The following CRYGA variants were observed in gnomAD, a reference collection of about 807,000 sequenced individuals.
CRYGA encodes the protein crystallin gamma A, also known as gamma-crystallin A.
Under a neutral mutation model 13.8 loss-of-function variants are expected in CRYGA, and 11 were observed. The ratio of observed to expected loss-of-function variants is 0.80; its 90% confidence interval spans 0.50 to 1.32. CRYGA has a LOEUF of 1.32. Among genes scored for constraint, CRYGA ranks in the 40% most tolerant of loss-of-function variants. The pLI is 0.00. For synonymous variants in CRYGA, 97 were observed against 89.3 expected (o/e 1.09, Z -0.48); for missense variants, 271 against 234.1 (o/e 1.16, Z -1.03).
intron 2 of CRYGA, among the ~76,000 whole-genome samples, chr2:208,162,203 C>T (rs1310214193): frequency 6.6e-6 from 1 of 152,152 alleles, no homozygotes; most frequent in Admixed American, 6.5e-5. Flanking sequence ...TCCCAAAGTG[C>T]TAGGATTACG....
intron 2 of CRYGA, among the ~76,000 whole-genome samples, chr2:208,162,175 G>C (rs1254305851): frequency 6.6e-6 from 1 of 152,100 alleles, no homozygotes; most frequent in Admixed American, 6.6e-5. Flanking sequence ...GACCTCAAGT[G>C]ATCTGCCCAG....
intron 2 of CRYGA, among the ~76,000 whole-genome samples, chr2:208,162,029 T>C (rs1178180819): frequency 6.6e-6 from 1 of 152,122 alleles, no homozygotes; most frequent in Non-Finnish European, 1.5e-5. Flanking sequence ...CTCCGACTCC[T>C]GGGTTCAAGC....
chr2:208,163,413 G>C lies in CRYGA; in HGVS notation c.43C>G (p.Arg15Gly), dbSNP rs766174390. 1.9e-6 allele frequency: 3 copies of C among 1,613,852 alleles called. No individual in the cohort carries two copies. Among genetic ancestry groups the C allele is most frequent in the Non-Finnish European group, 1.7e-6 (2 of 1,180,000 alleles). The stretch of plus-strand genomic sequence containing the variant: ...CAGTCACTGATGCAATTGTAGCAGC[G>C]ACCCTGAAAGTCTCGGTCCTCGTAG... ...TFYEDRDFQG[R>G]CYNCISDCPN... The change falls in exon 2 of 3, where the codon CGC becomes GGC. Residue 15 changes from arginine (R) to glycine (G), a missense_variant. Transcript: ENST00000304502.
In CRYGA at chr2:208,160,912, G is replaced by A. The variant is rs1279036735; in HGVS notation, c.417C>T (p.Tyr139=). The change falls in exon 3 of 3, where the codon TAC becomes TAT. Residue 139 remains tyrosine, a synonymous_variant. Transcript: ENST00000304502. ...GCCTCAGCAGATACTGCCGCCCCCG[G>A]TAGTTGGGCATTTCATAGAGGACCC... is the stretch of plus-strand genomic sequence containing the variant. ...GCWVLYEMPN[Y]RGRQYLLRPG... The A allele has an allele frequency of 1.2e-6, 2 of 1,612,986 alleles. No individual in the cohort carries two copies. The highest frequency in any genetic ancestry group is 1.7e-6 in the Non-Finnish European group (2 of 1,179,204).
At chr2:208,161,353 A>AT (rs1574347077) in intron 2 of CRYGA, among the ~76,000 whole-genome samples, 1 of 151,884 alleles carries the variant, frequency 6.6e-6, no homozygotes, top group Non-Finnish European at 1.5e-5. Context: ...ATTTTTAAAA[A>AT]TTTTTTTGTA....
intron 1 of CRYGA, 45 bp from the exon 2 acceptor site, chr2:208,163,491 C>T (rs763424012): frequency 3.5e-5 from 57 of 1,612,522 alleles, no homozygotes; most frequent in Non-Finnish European, 1.7e-6. Flanking sequence ...CTGGAAGGAA[C>T]ATCCCCACAC....
chr2:208,162,665 C>A (rs1046077013), intron 2 of CRYGA, among the ~76,000 whole-genome samples: 91 of 151,920 alleles, frequency 6.0e-4, no homozygotes, highest in African/African-American at 2.2e-3. Context: ...CATGGAGAAA[C>A]TCTGTCTCTA....
In CRYGA at chr2:208,160,981, G is replaced by A; in HGVS notation, c.348C>T (p.Phe116=). 6.2e-7 allele frequency: 1 copy of A among 1,613,860 alleles called. No homozygotes were observed. Among genetic ancestry groups the A allele is most frequent in the Non-Finnish European group, 8.5e-7 (1 of 1,179,830 alleles). Residue 116 remains phenylalanine, a synonymous_variant, in exon 3 of 3, where the codon TTC becomes TTT. Coordinates refer to ENST00000304502, the MANE Select transcript of CRYGA (RefSeq NM_014617.4). ...TDDCACVPEL[F]RLPEIYSLHV... ...GGAGGGAATAGATCTCAGGGAGACGGAACAGTTCTGGAACACAGGCGCAGT... is the reference window on the plus strand; with the variant it reads ...GGAGGGAATAGATCTCAGGGAGACGAAACAGTTCTGGAACACAGGCGCAGT...
intron 2 of CRYGA, among the ~76,000 whole-genome samples, chr2:208,161,604 T>C (rs926775342): frequency 7.9e-5 from 12 of 152,234 alleles, no homozygotes; most frequent in Admixed American, 3.9e-4. Context: ...ACTGGAGATG[T>C]TGTGGAAGAA....
intron 2 of CRYGA, among the ~76,000 whole-genome samples, chr2:208,161,284 C>G (rs1695753199): frequency 6.6e-6 from 1 of 151,962 alleles, no homozygotes; most frequent in African/African-American, 2.4e-5. Flanking sequence ...GTAATCCTCC[C>G]ACCTCAGCCC....
Position 208,163,449 on chromosome 2 carries a change from G to C in CRYGA, c.10-3C>G. Reference sequence around the variant, plus strand: ...TCTCGGTCCTCGTAGAAGGTGATCTGAGGTAGAAATAAGGTGACAGTAGAC... The same window carrying C: ...TCTCGGTCCTCGTAGAAGGTGATCTCAGGTAGAAATAAGGTGACAGTAGAC... On this transcript the variant is annotated splice_region_variant and splice_polypyrimidine_tract_variant and intron_variant, in intron 1 of 2. Transcript: ENST00000304502. The C allele has an allele frequency of 1.9e-6, 3 of 1,613,564 alleles. No individual in the cohort carries two copies. The highest frequency in any genetic ancestry group is 1.6e-4 in the Middle Eastern group (1 of 6,062).
chr2:208,160,861 G>C lies in CRYGA; in HGVS notation c.468C>G (p.Asp156Glu), dbSNP rs1217272927. Residue 156 changes from aspartate (D) to glutamate (E), a missense_variant, in exon 3 of 3, where the codon GAC becomes GAG. By Grantham distance (45) the Asp-to-Glu change is conservative. Transcript: ENST00000304502. ...CGACTTTGGCATCTGCACCCCCCCA[G>C]TCGTGGTACCTTCTGTAGTCCCCAG... Reference protein sequence around the residue: ...LRPGDYRRYHDWGGADAKVGS... With the variant: ...LRPGDYRRYHEWGGADAKVGS... The C allele has an allele frequency of 6.2e-7, 1 of 1,612,248 alleles. No individual in the cohort carries two copies. The highest frequency in any genetic ancestry group is 8.5e-7 in the Non-Finnish European group (1 of 1,178,354).
At chr2:208,163,123 A>C (rs1167745331) in intron 2 of CRYGA, 81 bp downstream of exon 2, 4 of 1,263,574 alleles carry the variant, frequency 3.2e-6, no homozygotes, top group Non-Finnish European at 4.5e-6. Context: ...CTGTGTTGGA[A>C]CAAACTGACT....
At chr2:208,163,182 G>A (rs1187905083) in intron 2 of CRYGA, 22 bp downstream of exon 2, 1 of 1,594,628 alleles carries the variant, frequency 6.3e-7, no homozygotes, top group African/African-American at 1.3e-5. Context: ...TTTCACATCA[G>A]TCAAGTTGAA....
Position 208,160,797 on chromosome 2 carries a change from G to T in CRYGA, c.*7C>A. ...TTCTATGGGGATCACAACAAGGCAGGCACAGCTTAGTACAAATCGGTGACC... is the reference window on the plus strand; with the variant it reads ...TTCTATGGGGATCACAACAAGGCAGTCACAGCTTAGTACAAATCGGTGACC... On this transcript the variant is annotated 3_prime_UTR_variant, in exon 3 of 3. Coordinates refer to ENST00000304502, the MANE Select transcript of CRYGA (RefSeq NM_014617.4). 1.3e-6 allele frequency: 2 copies of T among 1,571,570 alleles called. No individual in the cohort carries two copies. The highest frequency in any genetic ancestry group is 1.1e-5 in the South Asian group (1 of 89,416).
chr2:208,160,816 G>A lies in CRYGA; in HGVS notation c.513C>T (p.Thr171=), dbSNP rs149711129. ...AGGCAGGCACAGCTTAGTACAAATC[G>A]GTGACCCGTCTCAAAGAGCCGACTT... ...DAKVGSLRRV[T]DLY is the part of the protein sequence containing the mutation. The change falls in exon 3 of 3, where the codon ACC becomes ACT. Residue 171 remains threonine (T), a synonymous_variant. Coordinates refer to ENST00000304502, the MANE Select transcript of CRYGA (RefSeq NM_014617.4). 1.3e-4 allele frequency: 213 copies of A among 1,604,356 alleles called. 3 individuals carry two copies. In the South Asian group the frequency reaches 2.1e-3, roughly 16 times the overall value.
rs770475698 is a variant in CRYGA, at chr2:208,163,186, A to G, written c.252+18T>C. The G allele has an allele frequency of 3.7e-6, 6 of 1,600,042 alleles. No homozygotes were observed. Among genetic ancestry groups the G allele is most frequent in the Non-Finnish European group, 5.1e-6 (6 of 1,169,020 alleles). On this transcript the variant is annotated intron_variant, in intron 2 of 2. Transcript: ENST00000304502. ...ATCATTGATGCTTTCACATCAGTCA[A>G]GTTGAAGCAAGACTCACATGAGGAA...
Position 208,163,226 on chromosome 2 carries a change from T to C in CRYGA, c.230A>G (p.Gln77Arg), listed in dbSNP as rs757901754. 3.4e-5 allele frequency: 55 copies of C among 1,613,594 alleles called. No individual in the cohort carries two copies. In the South Asian group the frequency reaches 5.8e-4, roughly 17 times the overall value. ...CACATGAGGAATTATACGGCAGGAT[T>C]GGACCGAGTCGCTGAGGCCCATCCA... ...QHWMGLSDSV[Q>R]SCRIIPHTSS... is the part of the protein sequence containing the mutation. The change falls in exon 2 of 3, where the codon CAA (glutamine) becomes CGA (arginine). Residue 77 changes from glutamine (Q) to arginine (R), a missense_variant. Gln to Arg is a conservative substitution (Grantham distance 43). Coordinates refer to ENST00000304502, the MANE Select transcript of CRYGA (RefSeq NM_014617.4).
At chr2:208,161,947 A>AT (rs927541800) in intron 2 of CRYGA, among the ~76,000 whole-genome samples, 25 of 149,836 alleles carry the variant, frequency 1.7e-4, no homozygotes, top group African/African-American at 4.2e-4. Flanking sequence ...TTATTTTTTT[A>AT]TTTTTTTTTA....
Sources: allele counts gnomAD v4.1 joint callset (sites outside exome capture counted in the v4.1 genomes callset), GRCh38; gene constraint gnomAD v4.1.1; transcripts MANE v1.5; gene names NCBI Gene and HGNC (gene_info 2026-07-23, HGNC 2026-07-21).